PDZD2: variants seen among roughly 807,000 people sequenced by gnomAD.
PDZD2 encodes the protein PDZ domain containing 2, also known as PDZ domain-containing protein 2.
In PDZD2, 90 loss-of-function variants were observed where a neutral mutation model predicts 220.7. The ratio of observed to expected loss-of-function variants is 0.41; its 90% CI spans 0.34 to 0.49. The LOEUF (loss-of-function observed/expected upper bound fraction) is 0.49, where lower values mean the gene tolerates loss of function less well. PDZD2 is among the 20% of genes least tolerant of loss of function. The pLI is 0.28. For synonymous variants in PDZD2, 1,375 were observed against 1,450.5 expected (o/e 0.95, Z 1.18); for missense variants, 3,174 against 3,608.5 (o/e 0.88, Z 3.08).
chr5:32,013,223 C>A (rs372145229), intron 6 of PDZD2, among the ~76,000 whole-genome samples: 45 of 151,982 alleles, frequency 3.0e-4, no homozygotes, highest in African/African-American at 1.1e-3. Context: ...ATGAAAGTGC[C>A]GTAATTTGTT....
chr5:31,939,690 G>A (rs1257743211), intron 2 of PDZD2, among the ~76,000 whole-genome samples: 1 of 152,190 alleles, frequency 6.6e-6, no homozygotes, highest in African/African-American at 2.4e-5. Flanking sequence ...TGGCGTGCAA[G>A]CCATGAGCAG....
intron 2 of PDZD2, chr5:31,847,703 A>C: frequency 1.7e-6 from 1 of 604,174 alleles, no homozygotes; most frequent in Non-Finnish European, 3.2e-6. Context: ...TGCTATTTGG[A>C]TGCAGGCCTT....
intron 19 of PDZD2, among the ~76,000 whole-genome samples, chr5:32,084,048 G>A (rs1742221292): frequency 6.6e-6 from 1 of 152,070 alleles, no homozygotes; most frequent in Non-Finnish European, 1.5e-5. Flanking sequence ...ACCACCACCC[G>A]CACTACCGCC....
At position 31,908,495 on chromosome 5, in the gene PDZD2, T is replaced by C. The variant is rs570180529; in HGVS notation, c.477-74660T>C. 7.1e-5 allele frequency: 74 copies of C among 1,036,656 alleles called. 1 individual carries two copies. The South Asian group carries it at 1.1e-3, about 15-fold the overall frequency. The allele number at this position is 1,036,656 out of a possible 1,614,324, so 64.2% of individuals were successfully genotyped here. ...GAGGGTAACACTGATGACTCGCTCATTGGTGGAAATGCCTCCGCTGAAGGC... is the reference window on the plus strand; with the variant it reads ...GAGGGTAACACTGATGACTCGCTCACTGGTGGAAATGCCTCCGCTGAAGGC... On this transcript the variant is annotated intron_variant, in intron 2 of 24. Coordinates refer to ENST00000438447, the MANE Select transcript of PDZD2 (RefSeq NM_178140.4).
chr5:31,641,171 T>C (rs2150100591), intron 1 of PDZD2, among the ~76,000 whole-genome samples: 1 of 152,308 alleles, frequency 6.6e-6, no homozygotes, highest in Non-Finnish European at 1.5e-5. Flanking sequence ...AGATGCTCCC[T>C]CGCTGCTGTC....
rs564632239 is a variant in PDZD2, at chr5:31,876,416, C to G, written c.476+76692C>G. Among the ~76,000 whole-genome samples, 3 of 152,118 alleles carry G rather than the reference C, an allele frequency of 2.0e-5. No individual in the cohort carries two copies. In the East Asian group the frequency reaches 5.8e-4, roughly 29 times the overall value. ...CAAGCGACTCTCCTGCCTCAGCCTC[C>G]CAAGTACCTGGTGTTATAGGTGCAT... On this transcript the variant is annotated intron_variant, in intron 2 of 24. Transcript: ENST00000438447.
chr5:31,832,260 C>T (rs922873796), intron 2 of PDZD2, among the ~76,000 whole-genome samples: 4 of 151,458 alleles, frequency 2.6e-5, no homozygotes, highest in African/African-American at 2.4e-5. Flanking sequence ...TACCAGAGGT[C>T]GGGAGAAGGG....
At chr5:31,923,631 T>C (rs1744486449) in intron 2 of PDZD2, 1 of 716,996 alleles carries the variant, frequency 1.4e-6, no homozygotes, top group African/African-American at 1.7e-5. Flanking sequence ...ATTCAGTCAC[T>C]AGTTGGATGG....
intron 2 of PDZD2, among the ~76,000 whole-genome samples, chr5:31,809,117 A>G (rs1259922840): frequency 6.6e-6 from 1 of 152,228 alleles, no homozygotes; most frequent in Non-Finnish European, 1.5e-5. Flanking sequence ...TTCCATCTCA[A>G]CAAGAGTGTA....
chr5:31,951,849 A>G (rs570594691), intron 2 of PDZD2, among the ~76,000 whole-genome samples: 1 of 152,230 alleles, frequency 6.6e-6, no homozygotes, highest in Non-Finnish European at 1.5e-5. Context: ...AGCTTTGGAA[A>G]AAAAGTATGA....
chr5:32,103,075 G>C (rs754850908), intron 24 of PDZD2, among the ~76,000 whole-genome samples: 11 of 152,048 alleles, frequency 7.2e-5, no homozygotes, highest in Non-Finnish European at 1.6e-4. Context: ...GGGAAATAAA[G>C]AGATGACTAC....
chr5:31,837,016 AAAAG>A (rs5867108), intron 2 of PDZD2, among the ~76,000 whole-genome samples: 2,142 of 146,644 alleles, frequency 0.015, 44 homozygotes, highest in African/African-American at 0.036. Flanking sequence ...AGACTGTCTT[AAAAG>A]AAAGAAAGAA....
At chr5:31,919,416 G>C (rs980384169) in intron 2 of PDZD2, among the ~76,000 whole-genome samples, 2 of 151,076 alleles carry the variant, frequency 1.3e-5, no homozygotes, top group East Asian at 3.9e-4. Flanking sequence ...GTACGATCTT[G>C]GCTCACTGCA....
Position 31,679,408 on chromosome 5 carries a change from GT to G in PDZD2, c.-361+39974del, listed in dbSNP as rs538183675. ...GCGTGGTCTCTGAGGAGGACACTGAGTTTCCCTGCAGGTATCTTGTGGGGCA... is the reference window on the plus strand; with the variant it reads ...GCGTGGTCTCTGAGGAGGACACTGAGTTCCCTGCAGGTATCTTGTGGGGCA... On this transcript the variant is annotated intron_variant, in intron 1 of 24. Coordinates refer to ENST00000438447, the MANE Select transcript of PDZD2 (RefSeq NM_178140.4). Among the ~76,000 whole-genome samples the G allele has an allele frequency of 4.6e-3, 708 of 152,368 alleles. 5 individuals carry two copies. The highest frequency in any genetic ancestry group is 0.016 in the African/African-American group (673 of 41,586).
chr5:31,902,890 T>C (rs1001618653), intron 2 of PDZD2, among the ~76,000 whole-genome samples: 6 of 150,062 alleles, frequency 4.0e-5, no homozygotes, highest in Non-Finnish European at 7.4e-5. Flanking sequence ...ACTTAAAATT[T>C]TATTAAGGGC....
chr5:32,005,448 G>T (rs982459264), intron 5 of PDZD2, among the ~76,000 whole-genome samples: 2 of 139,240 alleles, frequency 1.4e-5, no homozygotes, highest in African/African-American at 5.4e-5. Context: ...CAGATCTCTT[G>T]CTCGCTTTTT....
intron 2 of PDZD2, among the ~76,000 whole-genome samples, chr5:31,854,721 G>A (rs776712057): frequency 6.6e-6 from 1 of 152,024 alleles, no homozygotes; most frequent in East Asian, 1.9e-4. Context: ...GTAAACAAAG[G>A]TGTCTGGATG....
intron 2 of PDZD2, among the ~76,000 whole-genome samples, chr5:31,850,261 C>CACAT (rs1561508382): frequency 1.5e-5 from 2 of 130,314 alleles, no homozygotes; most frequent in South Asian, 2.4e-4. Flanking sequence ...CACACACACA[C>CACAT]ATATATATAC....
chr5:31,811,861 G>A (rs931332526), intron 2 of PDZD2, among the ~76,000 whole-genome samples: 5 of 151,928 alleles, frequency 3.3e-5, no homozygotes, highest in Non-Finnish European at 7.4e-5. Flanking sequence ...GTGGTGGTGC[G>A]TGCCTGTAAT....
Sources: allele counts gnomAD v4.1 joint callset (sites outside exome capture counted in the v4.1 genomes callset), GRCh38; gene constraint gnomAD v4.1.1; transcripts MANE v1.5; gene names NCBI Gene and HGNC (gene_info 2026-07-23, HGNC 2026-07-21).